The following CAST variants were observed in gnomAD, a reference collection of about 807,000 sequenced individuals.
CAST encodes MIR583 host.
In CAST, 76 loss-of-function variants were observed where a neutral mutation model predicts 119.6. The observed-to-expected ratio is 0.64, with a 90% confidence interval of 0.53 to 0.77. The LOEUF (loss-of-function observed/expected upper bound fraction) is 0.77. Among genes scored for constraint, CAST ranks in the 30% least tolerant of loss-of-function variants. CAST has a pLI of 0.00. For synonymous variants in CAST, 319 were observed against 331.6 expected (o/e 0.96, Z 0.41); for missense variants, 953 against 946.5 (o/e 1.01, Z -0.09).
chr5:96,539,481 G>A (rs1293461762), intron 1 of CAST, among the ~76,000 whole-genome samples: 1 of 152,034 alleles, frequency 6.6e-6, no homozygotes, highest in Non-Finnish European at 1.5e-5. Flanking sequence ...ATGTTTCTAT[G>A]TCATCACTTT....
intron 2 of CAST, among the ~76,000 whole-genome samples, chr5:96,679,924 A>G (rs1247048615): frequency 6.6e-6 from 1 of 152,152 alleles, no homozygotes; most frequent in Non-Finnish European, 1.5e-5. Context: ...TTGTGTGTAT[A>G]TACTTAAATT....
At chr5:96,393,499 G>T in the CAST span, 1 of 1,174,292 alleles carries the variant, frequency 8.5e-7, no homozygotes, top group South Asian at 1.3e-5. Context: ...GGGGAGGGGA[G>T]AGAGTTCAAG....
chr5:96,068,126 T>C, the CAST span, among the ~76,000 whole-genome samples: 3 of 152,146 alleles, frequency 2.0e-5, no homozygotes, highest in African/African-American at 7.2e-5. Context: ...CTTCATAACT[T>C]ACGTGCACAT....
At chr5:96,754,020 A>T (rs1269783224) in intron 20 of CAST, 40 bp from the exon 21 acceptor site, 12 of 1,203,028 alleles carry the variant, frequency 1.0e-5, no homozygotes, top group Non-Finnish European at 1.5e-5. Context: ...AAAGGGAGTG[A>T]TTAACCACCT....
Position 96,675,661 on chromosome 5 carries a change from T to G in CAST, c.138+60T>G, listed in dbSNP as rs996963286. The G allele has an allele frequency of 4.0e-6, 5 of 1,251,940 alleles. No homozygotes were observed. The African/African-American group carries it at 7.5e-5, about 19-fold the overall frequency. 77.6% of individuals were successfully genotyped at this position (1,251,940 alleles called of 1,614,324 possible). ...TGCTTTTAAACTGTGAAGTTTGCCT[T>G]GAAATATTAAATAACGATGTAGCAA... On this transcript the variant is annotated intron_variant, in intron 2 of 31. Coordinates refer to ENST00000675179, the MANE Select transcript of CAST (RefSeq NM_001750.7).
At position 96,750,669 on chromosome 5, in the gene CAST, A is replaced by G; in HGVS notation, c.1511A>G (p.Glu504Gly). 1.2e-6 allele frequency: 2 copies of G among 1,612,314 alleles called. No individual in the cohort carries two copies. Among genetic ancestry groups the G allele is most frequent in the Non-Finnish European group, 1.7e-6 (2 of 1,178,562 alleles). ...SMCSIQSAPP[E>G]PATLKGTVPD... ...TGTAGTATACAGTCAGCACCCCCTG[A>G]GCCGGCTACCTTGGTGAGTGACTCC... The change falls in exon 20 of 32, where the codon GAG (glutamate) becomes GGG (glycine). Residue 504 changes from glutamate (E) to glycine (G), a missense_variant. Transcript: ENST00000675179.
chr5:96,504,057 C>T, the CAST span, among the ~76,000 whole-genome samples: 2 of 152,240 alleles, frequency 1.3e-5, no homozygotes, highest in South Asian at 2.1e-4. Flanking sequence ...TGAAATGCCA[C>T]CTTGACCATT....
chr5:96,342,049 A>AAGGCTG, the CAST span, among the ~76,000 whole-genome samples: 1 of 152,190 alleles, frequency 6.6e-6, no homozygotes, highest in Non-Finnish European at 1.5e-5. Flanking sequence ...AACTGAATCC[A>AAGGCTG]AGGCTGTATT....
chr5:96,143,974 A>C, the CAST span, among the ~76,000 whole-genome samples: 1 of 152,176 alleles, frequency 6.6e-6, no homozygotes, highest in Non-Finnish European at 1.5e-5. Flanking sequence ...TTGAGGGGCT[A>C]TTTGTTTCTA....
At chr5:96,461,189 T>C in the CAST span, among the ~76,000 whole-genome samples, 4 of 152,186 alleles carry the variant, frequency 2.6e-5, no homozygotes, top group East Asian at 7.7e-4. Flanking sequence ...GCATATTTCA[T>C]TACTTCATCC....
the CAST span, among the ~76,000 whole-genome samples, chr5:96,473,906 G>T: frequency 6.6e-6 from 1 of 152,324 alleles, no homozygotes; most frequent in Non-Finnish European, 1.5e-5. Flanking sequence ...CTCAGAGGAA[G>T]AGTCAGTGTC....
At chr5:96,358,664 G>T in the CAST span, among the ~76,000 whole-genome samples, 4 of 152,114 alleles carry the variant, frequency 2.6e-5, no homozygotes, top group Middle Eastern at 3.2e-3. Context: ...TTAATCCTGA[G>T]TTCTAATTTG....
the CAST span, among the ~76,000 whole-genome samples, chr5:96,034,829 C>G: frequency 1.3e-5 from 2 of 150,874 alleles, no homozygotes; most frequent in African/African-American, 2.4e-5. Context: ...ATAAGATTAA[C>G]ATTTTTAGTT....
At chr5:96,418,711 G>A in the CAST span, among the ~76,000 whole-genome samples, 1 of 152,186 alleles carries the variant, frequency 6.6e-6, no homozygotes, top group Admixed American at 6.5e-5. Context: ...AGGGCTTTAT[G>A]TCTGACAACA....
chr5:96,109,050 T>A, the CAST span, among the ~76,000 whole-genome samples: 1 of 152,368 alleles, frequency 6.6e-6, no homozygotes, highest in Non-Finnish European at 1.5e-5. Flanking sequence ...CCTTGCGCTT[T>A]CTGAGTGAGG....
intron 1 of CAST, among the ~76,000 whole-genome samples, chr5:96,593,278 G>T (rs549180323): frequency 6.6e-6 from 1 of 152,154 alleles, no homozygotes; most frequent in Non-Finnish European, 1.5e-5. Flanking sequence ...CAGCTCCAGC[G>T]TCACCTCCTG....
the CAST span, among the ~76,000 whole-genome samples, chr5:95,976,027 A>C: frequency 6.6e-6 from 1 of 152,082 alleles, no homozygotes. Context: ...GATAAGGTGC[A>C]CTGTGCTCCC....
At chr5:95,981,900 T>C in the CAST span, among the ~76,000 whole-genome samples, 1 of 152,006 alleles carries the variant, frequency 6.6e-6, no homozygotes, top group Non-Finnish European at 1.5e-5. Flanking sequence ...AGCATTTTAT[T>C]TGGAAATAAT....
the CAST span, among the ~76,000 whole-genome samples, chr5:96,373,130 A>G: frequency 6.6e-6 from 1 of 152,192 alleles, no homozygotes; most frequent in Non-Finnish European, 1.5e-5. Context: ...TTGTCTTACA[A>G]GGAAAAGCTG....
Sources: gnomAD v4.1 joint callset for allele counts (sites outside exome capture counted in the v4.1 genomes callset) on GRCh38, gnomAD v4.1.1 for gene constraint, MANE v1.5 for transcripts, NCBI Gene and HGNC (gene_info 2026-07-23, HGNC 2026-07-21) for gene names.